The following CLSTN1 variants were observed in gnomAD, a reference collection of about 807,000 sequenced individuals.
CLSTN1 encodes the protein calsyntenin 1.
In CLSTN1, 28 loss-of-function variants were observed where a neutral mutation model predicts 108.3. The ratio of observed to expected loss-of-function variants is 0.26; its 90% CI spans 0.19 to 0.35. The LOEUF (loss-of-function observed/expected upper bound fraction) is 0.35, where lower values mean the gene tolerates loss of function less well. CLSTN1 is among the 10% of genes least tolerant of loss of function. The pLI is 1.00. For missense variants in CLSTN1, 1,157 were observed against 1,302.6 expected (o/e 0.89, Z 1.72); for synonymous variants, 524 against 534.9 (o/e 0.98, Z 0.28).
intron 16 of CLSTN1, among the ~76,000 whole-genome samples, chr1:9,732,714 C>A (rs773925419): frequency 5.3e-5 from 8 of 152,226 alleles, no homozygotes; most frequent in Non-Finnish European, 7.3e-5. Flanking sequence ...GGAGGAGCTA[C>A]CCTCTAGCCT....
intron 16 of CLSTN1, 107 bp downstream of exon 16, chr1:9,733,294 G>A (rs1012082134): frequency 7.3e-6 from 10 of 1,371,720 alleles, no homozygotes; most frequent in Non-Finnish European, 1.0e-5. Context: ...CTGTATAGCT[G>A]CCATCATGAA....
At chr1:9,769,017 G>A (rs545294668) in intron 2 of CLSTN1, among the ~76,000 whole-genome samples, 1 of 137,292 alleles carries the variant, frequency 7.3e-6, no homozygotes, top group African/African-American at 2.7e-5. Flanking sequence ...CAGAAGGAGG[G>A]AATGAGGGAG....
chr1:9,776,515 G>C (rs1652949341), intron 1 of CLSTN1, among the ~76,000 whole-genome samples: 1 of 151,550 alleles, frequency 6.6e-6, no homozygotes. Context: ...TTTTGCTGTA[G>C]TTTACATTTA....
At chr1:9,776,844 T>C (rs1215952244) in intron 1 of CLSTN1, among the ~76,000 whole-genome samples, 1 of 148,994 alleles carries the variant, frequency 6.7e-6, no homozygotes, top group Non-Finnish European at 1.5e-5. Context: ...TCAGCATTTA[T>C]CTATCATCTA....
At chr1:9,746,902 A>C (rs1651294158) in intron 7 of CLSTN1, among the ~76,000 whole-genome samples, 1 of 152,144 alleles carries the variant, frequency 6.6e-6, no homozygotes, top group Non-Finnish European at 1.5e-5. Context: ...GAGTAAGGCC[A>C]GGCGCAGTGG....
chr1:9,806,018 G>A lies in CLSTN1; in HGVS notation c.91+17625C>T, dbSNP rs990330997. ...ATAAAACCCACATATGGCTGAGCAC[G>A]GTGGCTCAAGCCTGTAATCTTAACA... On this transcript the variant is annotated intron_variant, in intron 1 of 18. Transcript: ENST00000377298. 4.6e-5 allele frequency among the ~76,000 whole-genome samples: 7 copies of A among 151,808 alleles called. No individual in the cohort carries two copies. The East Asian group carries it at 7.8e-4, about 17-fold the overall frequency.
At position 9,750,412 on chromosome 1, in the gene CLSTN1, G is replaced by A. The variant is rs75406514; in HGVS notation, c.650-499C>T. Among the ~76,000 whole-genome samples the A allele has an allele frequency of 9.1e-3, 1,388 of 152,164 alleles. 13 individuals carry two copies. The highest frequency in any genetic ancestry group is 0.042 in the East Asian group (218 of 5,142). On this transcript the variant is annotated intron_variant, in intron 5 of 18. Coordinates refer to ENST00000377298, the MANE Select transcript of CLSTN1 (RefSeq NM_001009566.3). ...CATCAAAGATTCTAGACCGTGCATT[G>A]ATTAACAATGGAAACACTGTATTAT...
intron 1 of CLSTN1, among the ~76,000 whole-genome samples, chr1:9,775,765 T>C (rs1283881324): frequency 5.3e-5 from 8 of 152,174 alleles, no homozygotes; most frequent in Non-Finnish European, 1.0e-4. Context: ...GGCCTACTTA[T>C]TGAATGAACC....
At chr1:9,795,444 G>A (rs1198462630) in intron 1 of CLSTN1, among the ~76,000 whole-genome samples, 1 of 151,152 alleles carries the variant, frequency 6.6e-6, no homozygotes, top group Non-Finnish European at 1.5e-5. Flanking sequence ...GGGATTATAG[G>A]CATAAGCCAC....
intron 1 of CLSTN1, among the ~76,000 whole-genome samples, chr1:9,789,148 C>T (rs566309851): frequency 7.5e-4 from 113 of 151,548 alleles, no homozygotes; most frequent in African/African-American, 2.6e-3. Context: ...GTACAAATAC[C>T]TCAAGGCCCT....
intron 1 of CLSTN1, among the ~76,000 whole-genome samples, chr1:9,812,848 C>CAAAAAAAA (rs1266998113): frequency 4.6e-5 from 4 of 86,192 alleles, no homozygotes; most frequent in Admixed American, 1.3e-4. Flanking sequence ...AACTCTATCT[C>CAAAAAAAA]AAAAAAAAAA....
chr1:9,773,138 T>C (rs111281242), intron 2 of CLSTN1, 134 bp downstream of exon 2: 1 of 1,215,014 alleles, frequency 8.2e-7, no homozygotes, highest in African/African-American at 1.5e-5. Flanking sequence ...AAAAACATGC[T>C]ACAAAGGACG....
At position 9,763,661 on chromosome 1, in the gene CLSTN1, T is replaced by C. The variant is rs75186073; in HGVS notation, c.215-7151A>G. ...GGCCCCAGGTGATCCAGACATAGCA[T>C]TGGAAAACCCCATGCATCCATTCAG... On this transcript the variant is annotated intron_variant, in intron 2 of 18. Transcript: ENST00000377298. Among the ~76,000 whole-genome samples the C allele has an allele frequency of 4.3e-3, 658 of 152,234 alleles. 12 individuals are homozygous for C. In the East Asian group the frequency reaches 0.044, roughly 10 times the overall value.
intron 7 of CLSTN1, among the ~76,000 whole-genome samples, chr1:9,747,859 C>A (rs373817890): frequency 1.3e-5 from 2 of 151,822 alleles, no homozygotes; most frequent in Non-Finnish European, 2.9e-5. Context: ...CTGGCTAACA[C>A]GGTGAAACCC....
chr1:9,810,513 G>A (rs952293173), intron 1 of CLSTN1, among the ~76,000 whole-genome samples: 1 of 150,574 alleles, frequency 6.6e-6, no homozygotes, highest in East Asian at 2.0e-4. Context: ...ACTAGCTCAC[G>A]CCTGTAATCC....
At chr1:9,753,933 C>T (rs1651686664) in intron 4 of CLSTN1, among the ~76,000 whole-genome samples, 1 of 152,132 alleles carries the variant, frequency 6.6e-6, no homozygotes, top group Admixed American at 6.6e-5. Context: ...CCGCCTTAGC[C>T]TCCCAAGTAG....
At chr1:9,813,752 A>C (rs1282801784) in intron 1 of CLSTN1, among the ~76,000 whole-genome samples, 1 of 152,182 alleles carries the variant, frequency 6.6e-6, no homozygotes, top group East Asian at 1.9e-4. Flanking sequence ...ACATTTCTTC[A>C]ATTTAAATTT....
intron 2 of CLSTN1, among the ~76,000 whole-genome samples, chr1:9,764,878 C>G (rs1652252200): frequency 6.6e-6 from 1 of 152,034 alleles, no homozygotes. Context: ...GAAAACCTAG[C>G]ATAGCTACCT....
At chr1:9,791,141 CAAA>C (rs139466878) in intron 1 of CLSTN1, among the ~76,000 whole-genome samples, 7 of 74,020 alleles carry the variant, frequency 9.5e-5, no homozygotes, top group African/African-American at 2.7e-4. Context: ...GACTCTATCT[CAAA>C]AAAAAAAAAA....
Sources: gnomAD v4.1 joint callset for allele counts (sites outside exome capture counted in the v4.1 genomes callset) on GRCh38, gnomAD v4.1.1 for gene constraint, MANE v1.5 for transcripts, NCBI Gene and HGNC (gene_info 2026-07-23, HGNC 2026-07-21) for gene names.